BANF2: variants seen among roughly 807,000 people sequenced by gnomAD.
BANF2 encodes the protein BANF family member 2, also known as barrier-to-autointegration factor-like protein.
BANF2 carries 4 observed loss-of-function variants against 8.0 expected under a neutral mutation model. The ratio of observed to expected loss-of-function variants is 0.50; its 90% confidence interval spans 0.25 to 1.14. The LOEUF (loss-of-function observed/expected upper bound fraction) is 1.14. Among genes scored for constraint, BANF2 ranks in the 50% most tolerant of loss-of-function variants. BANF2 has a pLI of 0.16. For missense variants in BANF2, 96 were observed against 107.5 expected (o/e 0.89, Z 0.47); for synonymous variants, 50 against 40.6 (o/e 1.23, Z -0.88).
At chr20:17,704,349 TAACAAACTCC>T (rs1416538359) in intron 1 of BANF2, among the ~76,000 whole-genome samples, 2 of 152,182 alleles carry the variant, frequency 1.3e-5, no homozygotes, top group Non-Finnish European at 2.9e-5. Context: ...TCTGCATTCC[TAACAAACTCC>T]AAGAGACGTC....
intron 1 of BANF2, 48 bp downstream of exon 1, chr20:17,700,103 A>C: frequency 1.3e-6 from 1 of 747,568 alleles, no homozygotes; most frequent in Non-Finnish European, 1.6e-6. Context: ...GATACAGCCA[A>C]CAGCTGGCTG....
At chr20:17,715,080 C>T (rs6111630) in intron 1 of BANF2, among the ~76,000 whole-genome samples, 54,860 of 151,974 alleles carry the variant, frequency 0.36, 10,308 homozygotes, top group Middle Eastern at 0.49. Flanking sequence ...GTGACAGGCC[C>T]AATGTCGCTC....
intron 1 of BANF2, among the ~76,000 whole-genome samples, chr20:17,716,901 A>AC (rs796824513): frequency 3.3e-4 from 50 of 150,932 alleles, no homozygotes; most frequent in African/African-American, 1.2e-3. Flanking sequence ...GAAAAGAGAG[A>AC]CGGGGTCTCA....
intron 1 of BANF2, among the ~76,000 whole-genome samples, chr20:17,712,858 A>G (rs1393088781): frequency 1.3e-5 from 2 of 152,178 alleles, no homozygotes; most frequent in African/African-American, 2.4e-5. Flanking sequence ...ATTAGTAACA[A>G]TGGCCAGATG....
chr20:17,729,787 C>T (rs571771766), intron 3 of BANF2, among the ~76,000 whole-genome samples: 53 of 152,374 alleles, frequency 3.5e-4, no homozygotes, highest in African/African-American at 1.3e-3. Flanking sequence ...CAAGAGTCCA[C>T]ACTCACAATG....
exon 1 of BANF2, chr20:17,693,680 C>G: frequency 1.3e-6 from 2 of 1,551,608 alleles, no homozygotes; most frequent in Non-Finnish European, 1.7e-6. Context: ...TAAAGCAACC[C>G]TGCGCTGAAT....
chr20:17,716,841 C>CA (rs36007590), intron 1 of BANF2, among the ~76,000 whole-genome samples: 52,745 of 89,716 alleles, frequency 0.59, 15,130 homozygotes, highest in Middle Eastern at 0.73. Flanking sequence ...GACTCCATCT[C>CA]AAAAAAAAAA....
chr20:17,730,850 G>T (rs2037884333), intron 3 of BANF2, among the ~76,000 whole-genome samples: 1 of 152,208 alleles, frequency 6.6e-6, no homozygotes. Context: ...GTAAGTTTGG[G>T]ATTTTTCTGC....
chr20:17,713,651 T>G (rs1441779489), intron 1 of BANF2, among the ~76,000 whole-genome samples: 1 of 151,786 alleles, frequency 6.6e-6, no homozygotes, highest in Non-Finnish European at 1.5e-5. Context: ...CTGGGCAACA[T>G]AGCAAGACCT....
chr20:17,728,460 A>G (rs543729879), intron 3 of BANF2, among the ~76,000 whole-genome samples: 4 of 151,952 alleles, frequency 2.6e-5, no homozygotes, highest in African/African-American at 9.7e-5. Context: ...CGGATGTCCT[A>G]TTACCTCTCT....
At chr20:17,707,840 A>G (rs1233936940) in intron 1 of BANF2, among the ~76,000 whole-genome samples, 1 of 151,618 alleles carries the variant, frequency 6.6e-6, no homozygotes, top group Non-Finnish European at 1.5e-5. Flanking sequence ...TTGGCCACCC[A>G]AAGTGCTGGG....
chr20:17,723,891 A>T (rs2037765774), intron 2 of BANF2, among the ~76,000 whole-genome samples: 1 of 152,178 alleles, frequency 6.6e-6, no homozygotes, highest in South Asian at 2.1e-4. Context: ...GCTACTCGGG[A>T]GGCTGAGGCA....
At chr20:17,715,172 T>C (rs1332292090) in intron 1 of BANF2, among the ~76,000 whole-genome samples, 2 of 152,134 alleles carry the variant, frequency 1.3e-5, no homozygotes, top group Non-Finnish European at 2.9e-5. Flanking sequence ...AACAGGAACC[T>C]CCAGACCCAG....
chr20:17,706,706 A>T (rs1267985197), intron 1 of BANF2, among the ~76,000 whole-genome samples: 1 of 152,234 alleles, frequency 6.6e-6, no homozygotes, highest in Non-Finnish European at 1.5e-5. Context: ...AAATCCAGCC[A>T]GGTGTGGCTC....
At chr20:17,707,298 G>T in intron 1 of BANF2, among the ~76,000 whole-genome samples, 1 of 151,742 alleles carries the variant, frequency 6.6e-6, no homozygotes, top group Admixed American at 6.6e-5. Flanking sequence ...CAGGAGAATG[G>T]CGTGAACCCA....
chr20:17,705,927 G>A lies in BANF2; in HGVS notation c.-167+5872G>A, dbSNP rs529634114. 3.9e-5 allele frequency among the ~76,000 whole-genome samples: 6 copies of A among 152,308 alleles called. No individual in the cohort carries two copies. In the East Asian group the frequency reaches 1.2e-3, roughly 29 times the overall value. On this transcript the variant is annotated intron_variant, in intron 1 of 3. Transcript: ENST00000246090. ...CACATATCCCTGCATAAGGGTTTGT[G>A]GGCTTCTATGGCACTGCTCCTGTGA...
intron 1 of BANF2, among the ~76,000 whole-genome samples, chr20:17,702,466 C>A (rs1290103543): frequency 3.3e-5 from 5 of 152,216 alleles, no homozygotes; most frequent in Non-Finnish European, 7.3e-5. Context: ...GAAATAGTAG[C>A]CATGCTCTGT....
intron 3 of BANF2, among the ~76,000 whole-genome samples, chr20:17,730,372 CTGAAGCTG>C (rs1376450326): frequency 1.3e-5 from 2 of 152,168 alleles, no homozygotes; most frequent in African/African-American, 4.8e-5. Context: ...GCCCCTAAAA[CTGAAGCTG>C]TGAGGAAGGT....
intron 1 of BANF2, among the ~76,000 whole-genome samples, chr20:17,711,668 C>T (rs941166407): frequency 8.5e-5 from 13 of 152,160 alleles, no homozygotes; most frequent in Non-Finnish European, 1.3e-4. Context: ...CTTCCACATC[C>T]GCAAGCCATT....
Sources: gnomAD v4.1 joint callset for allele counts (sites outside exome capture counted in the v4.1 genomes callset) on GRCh38, gnomAD v4.1.1 for gene constraint, MANE v1.5 for transcripts, NCBI Gene and HGNC (gene_info 2026-07-23, HGNC 2026-07-21) for gene names.